The following CHLSN variants were observed in gnomAD, a reference collection of about 807,000 sequenced individuals.
CHLSN encodes cholesin.
the CHLSN span, chr7:985,028 G>A: frequency 2.5e-6 from 4 of 1,612,020 alleles, no homozygotes; most frequent in Admixed American, 1.7e-5. Flanking sequence ...CTGGGCGTGG[G>A]CCGGGAGCCG....
At chr7:1,007,007 G>A in the CHLSN span, among the ~76,000 whole-genome samples, 1 of 152,216 alleles carries the variant, frequency 6.6e-6, no homozygotes. Flanking sequence ...CCCAGCCTGC[G>A]ACCCGGGTTC....
the CHLSN span, chr7:988,827 TC>T: frequency 2.0e-6 from 3 of 1,529,194 alleles, no homozygotes; most frequent in East Asian, 2.3e-5. Flanking sequence ...CCCTAGGAGC[TC>T]CCCCAGCCCC....
the CHLSN span, among the ~76,000 whole-genome samples, chr7:1,015,936 C>T: frequency 6.6e-6 from 1 of 151,894 alleles, no homozygotes; most frequent in Admixed American, 6.6e-5. Flanking sequence ...GGAAATACTC[C>T]TGACGCCCCT....
At chr7:1,058,709 T>C in the CHLSN span, 1 of 601,008 alleles carries the variant, frequency 1.7e-6, no homozygotes, top group Non-Finnish European at 3.0e-6. Context: ...GGCTGGCATC[T>C]GGCTTGAGTC....
At chr7:987,121 G>T in the CHLSN span, 1 of 1,562,274 alleles carries the variant, frequency 6.4e-7, no homozygotes. Flanking sequence ...ATGACCCCGA[G>T]GGCCTGTTTG....
the CHLSN span, among the ~76,000 whole-genome samples, chr7:1,027,821 G>A: frequency 6.6e-6 from 1 of 151,408 alleles, no homozygotes; most frequent in South Asian, 2.1e-4. Context: ...CGCGGCGGCC[G>A]ACGACTCCAG....
chr7:1,004,962 G>A, the CHLSN span, among the ~76,000 whole-genome samples: 2 of 152,188 alleles, frequency 1.3e-5, no homozygotes, highest in African/African-American at 4.8e-5. Context: ...CCAGCTGGGT[G>A]GAGAACCAGA....
chr7:1,122,261 G>A, the CHLSN span, among the ~76,000 whole-genome samples: 1 of 152,238 alleles, frequency 6.6e-6, no homozygotes, highest in Admixed American at 6.5e-5. Flanking sequence ...GCACACATAA[G>A]GGATTCTTAC....
the CHLSN span, among the ~76,000 whole-genome samples, chr7:1,104,910 T>C: frequency 6.6e-6 from 1 of 152,252 alleles, no homozygotes; most frequent in Non-Finnish European, 1.5e-5. Flanking sequence ...GTGAATGTTA[T>C]AATGAAATAA....
the CHLSN span, among the ~76,000 whole-genome samples, chr7:1,070,762 T>C: frequency 1.5e-5 from 2 of 129,522 alleles, no homozygotes; most frequent in Admixed American, 8.0e-5. Context: ...CACGCAGACA[T>C]ACACATGCAC....
chr7:989,208 T>A, the CHLSN span: 1 of 238,484 alleles, frequency 4.2e-6, no homozygotes. Flanking sequence ...CAGGCGCAGG[T>A]GGGTGTCCTC....
chr7:1,098,549 C>T, the CHLSN span, among the ~76,000 whole-genome samples: 19 of 149,910 alleles, frequency 1.3e-4, no homozygotes, highest in South Asian at 2.3e-3. Flanking sequence ...CGAGTGGAGA[C>T]GCCACGCTCG....
At chr7:1,099,864 C>T in the CHLSN span, among the ~76,000 whole-genome samples, 5 of 152,238 alleles carry the variant, frequency 3.3e-5, no homozygotes, top group Non-Finnish European at 5.9e-5. Context: ...GTACGTCATT[C>T]AGGCCACGGT....
the CHLSN span, among the ~76,000 whole-genome samples, chr7:1,085,908 C>T: frequency 3.9e-5 from 6 of 152,156 alleles, no homozygotes; most frequent in Non-Finnish European, 7.4e-5. Context: ...CCTGCCATGC[C>T]GTCACACATC....
chr7:1,123,360 C>A, the CHLSN span, among the ~76,000 whole-genome samples: 1 of 152,222 alleles, frequency 6.6e-6, no homozygotes, highest in Non-Finnish European at 1.5e-5. The surrounding 1 kb of genome is among the most constrained non-coding windows in gnomAD (Gnocchi z 4.4). Context: ...GGCCGCTGAC[C>A]CGCAGGCTCC....
the CHLSN span, among the ~76,000 whole-genome samples, chr7:1,046,254 T>C: frequency 2.6e-5 from 4 of 152,138 alleles, no homozygotes; most frequent in African/African-American, 7.2e-5. Flanking sequence ...CCTGAAAAAA[T>C]AACTGCCGCC....
chr7:1,093,505 C>A, the CHLSN span: 2 of 470,564 alleles, frequency 4.3e-6, no homozygotes, highest in South Asian at 3.1e-5. Flanking sequence ...GCGCTCGGCC[C>A]GGAGCAGCAG....
At chr7:1,076,726 G>T in the CHLSN span, among the ~76,000 whole-genome samples, 1 of 152,220 alleles carries the variant, frequency 6.6e-6, no homozygotes, top group Non-Finnish European at 1.5e-5. Context: ...TTCAGGGACC[G>T]GTGGCCTTGG....
chr7:1,107,992 G>A, the CHLSN span, among the ~76,000 whole-genome samples: 1 of 124,128 alleles, frequency 8.1e-6, no homozygotes, highest in Non-Finnish European at 1.6e-5. Flanking sequence ...CCCGCACCCC[G>A]GGAGGAAGCA....
Sources: allele counts gnomAD v4.1 joint callset (sites outside exome capture counted in the v4.1 genomes callset), GRCh38; gene constraint gnomAD v4.1.1; non-coding constraint Gnocchi (gnomAD v3.1); transcripts MANE v1.5; gene names NCBI Gene and HGNC (gene_info 2026-07-23, HGNC 2026-07-21).